The following SGPL1 variants were observed in gnomAD, a reference collection of about 807,000 sequenced individuals.
The protein encoded by SGPL1 is sphingosine-1-phosphate lyase 1, also known as SP-lyase 1.
In SGPL1, 37 loss-of-function variants were observed where a neutral mutation model predicts 68.9. That is an observed-to-expected ratio of 0.54 (90% CI 0.41 to 0.71). The LOEUF (loss-of-function observed/expected upper bound fraction) is 0.71. SGPL1 is among the 30% of genes least tolerant of loss of function. The pLI is 0.00. For synonymous variants in SGPL1, 236 were observed against 248.5 expected (o/e 0.95, Z 0.47); for missense variants, 551 against 704.6 (o/e 0.78, Z 2.47).
chr10:70,844,432 T>C, intron 2 of SGPL1, 41 bp from the exon 3 acceptor site: 1 of 1,569,010 alleles, frequency 6.4e-7, no homozygotes, highest in East Asian at 2.3e-5. Flanking sequence ...TTCTTTTCTC[T>C]CTCTAAATGT....
At chr10:70,840,461 C>G (rs186121812) in intron 2 of SGPL1, among the ~76,000 whole-genome samples, 172 of 152,118 alleles carry the variant, frequency 1.1e-3, no homozygotes, top group Middle Eastern at 3.4e-3. Flanking sequence ...GATAGGATAC[C>G]TTATGCCACA....
chr10:70,870,113 G>A, intron 9 of SGPL1: 3 of 439,084 alleles, frequency 6.8e-6, no homozygotes, highest in South Asian at 8.5e-5. Context: ...ACTAACTTGG[G>A]ACTTGAGAGA....
chr10:70,869,670 T>G, intron 8 of SGPL1, 122 bp from the exon 9 acceptor site: 1 of 762,108 alleles, frequency 1.3e-6, no homozygotes, highest in Non-Finnish European at 2.1e-6. Flanking sequence ...GTCTAAACAC[T>G]TAAATTTTTA....
In SGPL1 at chr10:70,879,452, T is replaced by C. The variant is rs1846461772; in HGVS notation, c.*2117T>C. 6.5e-6 allele frequency: 1 copy of C among 152,706 alleles called. No homozygotes were observed. Among genetic ancestry groups the C allele is most frequent in the Non-Finnish European group, 1.5e-5 (1 of 68,546 alleles). The allele number at this position is 152,706 out of a possible 1,614,324, so 9.5% of individuals were successfully genotyped here. ...CATTGTGGGTTCCAAGAGTGGGTAGTGTGTGTATGTGTGTGTGTCAGAGGG... is the reference window on the plus strand; with the variant it reads ...CATTGTGGGTTCCAAGAGTGGGTAGCGTGTGTATGTGTGTGTGTCAGAGGG... On this transcript the variant is annotated 3_prime_UTR_variant, in exon 15 of 15. Coordinates refer to ENST00000373202, the MANE Select transcript of SGPL1 (RefSeq NM_003901.4).
chr10:70,857,477 A>G lies in SGPL1; in HGVS notation c.410-137A>G, dbSNP rs147526258. 288 of 650,242 alleles carry G rather than the reference A, an allele frequency of 4.4e-4. 2 individuals are homozygous for G. The East Asian group carries it at 7.8e-3, about 18-fold the overall frequency. 40.3% of individuals were successfully genotyped at this position (650,242 alleles called of 1,614,324 possible). On this transcript the variant is annotated intron_variant, in intron 5 of 14. Transcript: ENST00000373202. The stretch of plus-strand genomic sequence containing the variant: ...TATTGAACTTTTTTCTTGATTTGCT[A>G]TAAGAATGCTGTTGGGTTTCCACTC...
At position 70,854,779 on chromosome 10, in the gene SGPL1, G is replaced by T. The variant is rs750993580; in HGVS notation, c.333G>T (p.Glu111Asp). Reference protein sequence around the residue: ...KNMSFLKVDKEYVKALPSQGL... With the variant: ...KNMSFLKVDKDYVKALPSQGL... ...TGTCATTCCTGAAAGTGGACAAAGA[G>T]TATGTGAAAGCTTTACCCTCCCAGG... Residue 111 changes from glutamate (E) to aspartate (D), a missense_variant, in exon 5 of 15, where the codon GAG becomes GAT. Transcript: ENST00000373202. The T allele has an allele frequency of 3.7e-6, 6 of 1,613,912 alleles. No individual in the cohort carries two copies. The Admixed American group carries it at 6.7e-5, about 18-fold the overall frequency.
At chr10:70,830,431 T>C (rs1845514469) in intron 2 of SGPL1, among the ~76,000 whole-genome samples, 1 of 152,210 alleles carries the variant, frequency 6.6e-6, no homozygotes. Context: ...TCTTTCCTGA[T>C]TGACTTCCTG....
chr10:70,854,018 T>C (rs936744076), intron 4 of SGPL1, among the ~76,000 whole-genome samples: 3 of 152,310 alleles, frequency 2.0e-5, no homozygotes, highest in Middle Eastern at 3.4e-3. Flanking sequence ...ATACCTTTGA[T>C]TCTTTTACAC....
chr10:70,848,920 C>T (rs796615086), intron 3 of SGPL1, among the ~76,000 whole-genome samples: 3 of 152,314 alleles, frequency 2.0e-5, no homozygotes, highest in African/African-American at 7.2e-5. Context: ...TCCCAGTCTT[C>T]CTTCTTCCCC....
intron 2 of SGPL1, among the ~76,000 whole-genome samples, chr10:70,838,967 C>A (rs1845673797): frequency 1.3e-5 from 2 of 152,126 alleles, no homozygotes; most frequent in Admixed American, 1.3e-4. Flanking sequence ...AAGTAGCATA[C>A]CCCAAATTTA....
intron 4 of SGPL1, 33 bp downstream of exon 4, chr10:70,851,243 C>T (rs1295160092): frequency 2.0e-6 from 3 of 1,514,254 alleles, no homozygotes; most frequent in African/African-American, 1.4e-5. Context: ...ATTTTTTCCC[C>T]TCTTGATAAT....
chr10:70,877,303 A>C lies in SGPL1; in HGVS notation c.1675A>C (p.Ser559Arg), dbSNP rs1846410287. Residue 559 changes from serine to arginine, a missense_variant, in exon 15 of 15, where the codon AGC becomes CGC. Transcript: ENST00000373202. Reference sequence around the variant, plus strand: ...CAGCACCGACACTGTCACCCAGGGCAGCCAGATGAATGGTTCTCCAAAACC... The same window carrying C: ...CAGCACCGACACTGTCACCCAGGGCCGCCAGATGAATGGTTCTCCAAAACC... The part of the protein sequence containing the change: ...LYSTDTVTQG[S>R]QMNGSPKPH The C allele has an allele frequency of 6.2e-7, 1 of 1,614,090 alleles. No individual in the cohort carries two copies. Among genetic ancestry groups the C allele is most frequent in the Non-Finnish European group, 8.5e-7 (1 of 1,180,028 alleles).
chr10:70,870,110 T>A, intron 9 of SGPL1: 2 of 453,924 alleles, frequency 4.4e-6, no homozygotes, highest in Non-Finnish European at 7.8e-6. Flanking sequence ...GTCACTAACT[T>A]GGGACTTGAG....
intron 7 of SGPL1, among the ~76,000 whole-genome samples, chr10:70,865,033 A>G (rs372476651): frequency 6.6e-6 from 1 of 152,228 alleles, no homozygotes; most frequent in African/African-American, 2.4e-5. Context: ...CCTAGCAGCC[A>G]TGTTTACCAC....
At chr10:70,822,661 A>G (rs1386200202) in intron 2 of SGPL1, among the ~76,000 whole-genome samples, 1 of 152,198 alleles carries the variant, frequency 6.6e-6, no homozygotes, top group Non-Finnish European at 1.5e-5. Context: ...TTGTGGATAT[A>G]TCAGTCATAT....
intron 8 of SGPL1, among the ~76,000 whole-genome samples, chr10:70,868,798 C>G (rs967320986): frequency 6.6e-6 from 1 of 152,258 alleles, no homozygotes; most frequent in South Asian, 2.1e-4. Context: ...TACTTTAGTT[C>G]TGCTTACCTT....
Position 70,859,472 on chromosome 10 carries a change from C to CA in SGPL1, c.590dup (p.Asn197LysfsTer31). The CA allele has an allele frequency of 6.5e-7, 1 of 1,542,034 alleles. No individual in the cohort carries two copies. The highest frequency in any genetic ancestry group is 8.8e-7 in the Non-Finnish European group (1 of 1,142,806). On this transcript the variant is annotated frameshift_variant, in exon 7 of 15. Coordinates refer to ENST00000373202, the MANE Select transcript of SGPL1 (RefSeq NM_003901.4). LOFTEE classifies it high-confidence loss of function. ...TCGTGAGGATAGCTTGTTCCCTGTT[C>CA]AATGGGGGACCAGATTCGTGTGGAT...
chr10:70,818,534 C>T (rs888944793), intron 2 of SGPL1, among the ~76,000 whole-genome samples: 2 of 152,218 alleles, frequency 1.3e-5, no homozygotes, highest in African/African-American at 4.8e-5. Flanking sequence ...GGGTTGGCGT[C>T]ACTGGGAAAC....
intron 9 of SGPL1, 35 bp from the exon 10 acceptor site, chr10:70,871,013 A>C (rs1401614052): frequency 9.0e-6 from 14 of 1,559,300 alleles, no homozygotes; most frequent in Non-Finnish European, 1.2e-5. Flanking sequence ...ATTGTGACAT[A>C]GATTCTCATT....
Sources: gnomAD v4.1 joint callset for allele counts (sites outside exome capture counted in the v4.1 genomes callset) on GRCh38, gnomAD v4.1.1 for gene constraint, MANE v1.5 for transcripts, NCBI Gene and HGNC (gene_info 2026-07-23, HGNC 2026-07-21) for gene names.